Variants in CHCHD6 observed in about 807,000 individuals in gnomAD.
CHCHD6 encodes the protein MICOS complex subunit MIC25.
CHCHD6 carries 28 observed loss-of-function variants against 32.3 expected under a neutral mutation model. The observed-to-expected ratio is 0.87, with a 90% confidence interval of 0.64 to 1.19. The LOEUF is 1.19. Ranked by LOEUF, CHCHD6 falls within the 50% of genes most tolerant of loss-of-function variation. The pLI, the probability that CHCHD6 is intolerant of heterozygous loss-of-function variation, is 0.00. For missense variants in CHCHD6, 333 were observed against 307.0 expected (o/e 1.08, Z -0.63); for synonymous variants, 122 against 117.5 (o/e 1.04, Z -0.25).
chr3:126,721,154 C>T (rs532703824), intron 1 of CHCHD6, among the ~76,000 whole-genome samples: 1 of 152,330 alleles, frequency 6.6e-6, no homozygotes, highest in East Asian at 1.9e-4. Flanking sequence ...TTCATCCCAC[C>T]TCCCACGCAG....
intron 6 of CHCHD6, among the ~76,000 whole-genome samples, chr3:126,929,207 C>T (rs976290248): frequency 1.1e-4 from 17 of 152,346 alleles, no homozygotes; most frequent in Non-Finnish European, 5.9e-5. Context: ...CTTGGAGTCC[C>T]TGTCTCCTCT....
chr3:126,920,034 T>A (rs1044653187), intron 6 of CHCHD6, among the ~76,000 whole-genome samples: 7 of 152,096 alleles, frequency 4.6e-5, no homozygotes, highest in African/African-American at 1.7e-4. Flanking sequence ...CATATGTCTC[T>A]TGTTCTTTTT....
chr3:126,950,805 G>A (rs2078705210), intron 6 of CHCHD6, among the ~76,000 whole-genome samples: 1 of 152,178 alleles, frequency 6.6e-6, no homozygotes, highest in South Asian at 2.1e-4. Context: ...TGGCTATGAT[G>A]TGAAGGAGAG....
intron 4 of CHCHD6, among the ~76,000 whole-genome samples, chr3:126,760,889 A>G (rs1576382847): frequency 2.0e-5 from 3 of 152,246 alleles, no homozygotes; most frequent in Admixed American, 2.0e-4. Flanking sequence ...GCTGGGGTGC[A>G]GTGGCACAAT....
chr3:126,720,163 T>C (rs1935213156), intron 1 of CHCHD6, among the ~76,000 whole-genome samples: 1 of 152,190 alleles, frequency 6.6e-6, no homozygotes, highest in Non-Finnish European at 1.5e-5. Flanking sequence ...ATTGGAGGCG[T>C]GAGCCACTGC....
intron 4 of CHCHD6, among the ~76,000 whole-genome samples, chr3:126,838,318 G>T (rs900124203): frequency 6.6e-6 from 1 of 152,172 alleles, no homozygotes; most frequent in Admixed American, 6.5e-5. Flanking sequence ...TTTCTGAGTT[G>T]CCTCTCCCTC....
At chr3:126,957,870 G>T (rs2078809035) in intron 7 of CHCHD6, 6 of 451,938 alleles carry the variant, frequency 1.3e-5, no homozygotes, top group South Asian at 1.3e-4. Context: ...GGGTGCCGGG[G>T]ACTTCTTAGC....
intron 4 of CHCHD6, 71 bp from the exon 5 acceptor site, chr3:126,852,576 G>A (rs878857797): frequency 2.2e-5 from 24 of 1,084,790 alleles, no homozygotes; most frequent in South Asian, 2.2e-4. Context: ...AATGTCCGTC[G>A]CCTTCTCCCT....
In CHCHD6 at chr3:126,727,128, T is replaced by C; in HGVS notation, c.138T>C (p.Pro46=). 1 of 1,614,148 alleles carries C rather than the reference T, an allele frequency of 6.2e-7. No individual in the cohort carries two copies. Among genetic ancestry groups the C allele is most frequent in the Non-Finnish European group, 8.5e-7 (1 of 1,179,972 alleles). The change falls in exon 2 of 8, where the codon CCT becomes CCC. Residue 46 remains proline, a synonymous_variant. Coordinates refer to ENST00000290913, the MANE Select transcript of CHCHD6 (RefSeq NM_032343.3). ...NRMKEPSSPP[P]APTSSTFGLQ... is the part of the protein sequence containing the mutation. ...TGAAGGAGCCCAGCTCTCCACCCCC[T>C]GCTCCCACATCTTCTACCTTTGGCC...
chr3:126,951,434 A>G (rs2078714591), intron 6 of CHCHD6, among the ~76,000 whole-genome samples: 1 of 152,180 alleles, frequency 6.6e-6, no homozygotes, highest in African/African-American at 2.4e-5. Context: ...AAAAGTTGCA[A>G]AGAAGCTTCA....
chr3:126,704,409 G>A lies in CHCHD6; in HGVS notation c.87+10G>A, dbSNP rs1224597509. The A allele has an allele frequency of 6.6e-7, 1 of 1,510,416 alleles. No individual in the cohort carries two copies. Among genetic ancestry groups the A allele is most frequent in the Non-Finnish European group, 8.8e-7 (1 of 1,130,428 alleles). The allele number at this position is 1,510,416 out of a possible 1,614,324, so 93.6% of individuals were successfully genotyped here. A position where few individuals can be genotyped will look rare whatever the true frequency, so the allele number is the denominator to read the frequency against. The stretch of plus-strand genomic sequence containing the variant: ...GCTGCAGGGTGTCCGGGTGAGCGGC[G>A]CCGCCTGGGCCGGGGCGGGCGTGGA... On this transcript the variant is annotated intron_variant, in intron 1 of 7. Coordinates refer to ENST00000290913, the MANE Select transcript of CHCHD6 (RefSeq NM_032343.3).
intron 5 of CHCHD6, among the ~76,000 whole-genome samples, 183 bp downstream of exon 5, chr3:126,852,913 C>A (rs1476419402): frequency 6.6e-6 from 1 of 152,220 alleles, no homozygotes; most frequent in East Asian, 1.9e-4. Flanking sequence ...AGCCTTTCAA[C>A]AAGTTGCATT....
intron 3 of CHCHD6, among the ~76,000 whole-genome samples, chr3:126,732,438 TTTTAGA>T (rs1301682503): frequency 6.6e-6 from 1 of 152,234 alleles, no homozygotes; most frequent in African/African-American, 2.4e-5. Context: ...GGTTCTCAGT[TTTTAGA>T]TTCAACCTAC....
rs954793371 is a variant in CHCHD6, at chr3:126,791,673, G to A, written c.411+58451G>A. Among the ~76,000 whole-genome samples, 10 of 152,332 alleles carry A rather than the reference G, an allele frequency of 6.6e-5. No individual in the cohort carries two copies. In the East Asian group the frequency reaches 7.7e-4, roughly 12 times the overall value. ...TGCCTGGGCTGGAGTGCAATGGCAC[G>A]ATCTTGGCTCACTGCAGCCTCCACC... is the stretch of plus-strand genomic sequence containing the variant. On this transcript the variant is annotated intron_variant, in intron 4 of 7. Coordinates refer to ENST00000290913, the MANE Select transcript of CHCHD6 (RefSeq NM_032343.3).
intron 4 of CHCHD6, among the ~76,000 whole-genome samples, chr3:126,790,148 G>A (rs1414683107): frequency 8.6e-5 from 13 of 151,860 alleles, no homozygotes; most frequent in African/African-American, 2.4e-4. Flanking sequence ...GTTGAATATC[G>A]GCCCCCACTC....
intron 4 of CHCHD6, among the ~76,000 whole-genome samples, chr3:126,800,658 C>T (rs1939018874): frequency 6.6e-6 from 1 of 152,180 alleles, no homozygotes; most frequent in African/African-American, 2.4e-5. Context: ...TCCAGGTTAT[C>T]CCCCTGTGAG....
At chr3:126,766,774 TG>T in intron 4 of CHCHD6, 1 of 1,132,306 alleles carries the variant, frequency 8.8e-7, no homozygotes, top group Non-Finnish European at 1.3e-6. Context: ...GGTGGCCCCC[TG>T]GAAAAACAGA....
chr3:126,827,956 G>C (rs181088875), intron 4 of CHCHD6, among the ~76,000 whole-genome samples: 2 of 152,074 alleles, frequency 1.3e-5, no homozygotes, highest in African/African-American at 4.8e-5. Context: ...TCTCCTCCCT[G>C]TGCCCCTCTG....
intron 4 of CHCHD6, among the ~76,000 whole-genome samples, chr3:126,770,736 T>C (rs951084047): frequency 1.3e-5 from 2 of 152,236 alleles, no homozygotes; most frequent in Non-Finnish European, 2.9e-5. Flanking sequence ...GCTGGTATTT[T>C]GTTTAGGATT....
Sources: allele counts gnomAD v4.1 joint callset (sites outside exome capture counted in the v4.1 genomes callset), GRCh38; gene constraint gnomAD v4.1.1; transcripts MANE v1.5; gene names NCBI Gene and HGNC (gene_info 2026-07-23, HGNC 2026-07-21).